Variants in LMX1A observed in about 807,000 individuals in gnomAD.
LMX1A encodes the protein LIM homeobox transcription factor 1-alpha.
A neutral mutation model predicts 49.1 loss-of-function variants in LMX1A; 15 were observed. That is an observed-to-expected ratio of 0.31 (90% CI 0.20 to 0.47). The LOEUF (loss-of-function observed/expected upper bound fraction) is 0.47, where lower values mean the gene tolerates loss of function less well. Ranked by LOEUF, LMX1A falls within the 20% of genes least tolerant of loss-of-function variation. The pLI is 1.00. For missense variants in LMX1A, 372 were observed against 475.8 expected, an observed-to-expected ratio of 0.78 and a Z score of 2.03; for synonymous variants, 167 against 185.7, an observed-to-expected ratio of 0.90 and a Z score of 0.82.
intron 4 of LMX1A, among the ~76,000 whole-genome samples, chr1:165,234,409 C>T (rs757993620): frequency 3.9e-5 from 6 of 152,126 alleles, no homozygotes; most frequent in African/African-American, 1.2e-4. Context: ...GGAATGATTG[C>T]GCCAGACTCT....
At chr1:165,283,298 G>A (rs1408216093) in intron 3 of LMX1A, among the ~76,000 whole-genome samples, 3 of 152,200 alleles carry the variant, frequency 2.0e-5, no homozygotes, top group African/African-American at 7.2e-5. Flanking sequence ...TGTAGTAGCA[G>A]GCTACACCAT....
intron 3 of LMX1A, among the ~76,000 whole-genome samples, chr1:165,313,672 G>A (rs1655140842): frequency 6.6e-6 from 1 of 151,922 alleles, no homozygotes; most frequent in South Asian, 2.1e-4. Flanking sequence ...GAAGGAGCTG[G>A]GGGAATAAAT....
intron 4 of LMX1A, among the ~76,000 whole-genome samples, chr1:165,223,372 C>T (rs903502637): frequency 1.3e-5 from 2 of 152,204 alleles, no homozygotes; most frequent in Middle Eastern, 3.2e-3. Context: ...ATGGAAAATT[C>T]CATCATTCAA....
chr1:165,305,059 C>T (rs1036754987), intron 3 of LMX1A, among the ~76,000 whole-genome samples: 2 of 152,162 alleles, frequency 1.3e-5, no homozygotes, highest in African/African-American at 4.8e-5. Context: ...CTAGAGAGTG[C>T]CCCCTCCCTG....
At chr1:165,284,231 T>C (rs139496045) in intron 3 of LMX1A, among the ~76,000 whole-genome samples, 4 of 152,356 alleles carry the variant, frequency 2.6e-5, no homozygotes, top group Non-Finnish European at 4.4e-5. Flanking sequence ...CAAGTAAGTA[T>C]ATGAAAGCAC....
intron 4 of LMX1A, among the ~76,000 whole-genome samples, chr1:165,228,263 A>G (rs908145007): frequency 6.6e-6 from 1 of 152,192 alleles, no homozygotes; most frequent in Non-Finnish European, 1.5e-5. Context: ...GCACCAGCTC[A>G]TACCTGACAG....
At chr1:165,252,744 T>C (rs1330554836) in intron 3 of LMX1A, among the ~76,000 whole-genome samples, 1 of 152,166 alleles carries the variant, frequency 6.6e-6, no homozygotes, top group African/African-American at 2.4e-5. Context: ...TTTATAAAGC[T>C]AGATATGAGC....
chr1:165,246,594 A>T (rs1374949017), intron 4 of LMX1A, among the ~76,000 whole-genome samples: 1 of 152,226 alleles, frequency 6.6e-6, no homozygotes, highest in African/African-American at 2.4e-5. Context: ...ACTTCCCTGT[A>T]CCTTTCTATC....
intron 3 of LMX1A, among the ~76,000 whole-genome samples, chr1:165,320,940 A>T (rs1468737827): frequency 2.0e-5 from 3 of 152,240 alleles, no homozygotes; most frequent in Non-Finnish European, 4.4e-5. Context: ...ACTTCTACAT[A>T]AATGTTTATA....
intron 3 of LMX1A, among the ~76,000 whole-genome samples, chr1:165,280,517 A>G (rs2101705255): frequency 6.6e-6 from 1 of 152,354 alleles, no homozygotes; most frequent in South Asian, 2.1e-4. Flanking sequence ...TCAATGCTGC[A>G]TTAGACTGTT....
At chr1:165,342,771 T>C (rs1172262306) in intron 3 of LMX1A, among the ~76,000 whole-genome samples, 1 of 152,178 alleles carries the variant, frequency 6.6e-6, no homozygotes, top group Admixed American at 6.5e-5. Flanking sequence ...AGGTGGGGAC[T>C]TGTTTTCCAA....
At chr1:165,319,402 A>G (rs989449112) in intron 3 of LMX1A, among the ~76,000 whole-genome samples, 3 of 152,192 alleles carry the variant, frequency 2.0e-5, no homozygotes, top group African/African-American at 7.2e-5. Flanking sequence ...TGCTAGTAAC[A>G]AGCAAAATTT....
intron 3 of LMX1A, among the ~76,000 whole-genome samples, chr1:165,310,486 G>A (rs1341497063): frequency 6.6e-6 from 1 of 152,206 alleles, no homozygotes; most frequent in Non-Finnish European, 1.5e-5. Flanking sequence ...AGATAGAACA[G>A]TAAGTAAAAG....
intron 3 of LMX1A, among the ~76,000 whole-genome samples, chr1:165,270,988 T>C (rs1444061714): frequency 2.0e-5 from 3 of 152,272 alleles, no homozygotes; most frequent in Admixed American, 1.3e-4. Flanking sequence ...AGCCAGCCAT[T>C]TCCCTCCCAA....
At chr1:165,261,051 T>C (rs996940277) in intron 3 of LMX1A, among the ~76,000 whole-genome samples, 2 of 152,176 alleles carry the variant, frequency 1.3e-5, no homozygotes, top group African/African-American at 4.8e-5. Flanking sequence ...TGGCACATTA[T>C]ACACACTCCA....
rs531989161 is a variant in LMX1A, at chr1:165,258,147, C to T, written c.264-8507G>A. 7.9e-5 allele frequency among the ~76,000 whole-genome samples: 12 copies of T among 152,330 alleles called. No homozygotes were observed. In the South Asian group the frequency reaches 2.3e-3, roughly 29 times the overall value. On this transcript the variant is annotated intron_variant, in intron 3 of 8. Transcript: ENST00000342310. ...CAGCATAGCAGCATTCATTCAGTGC[C>T]ATGTTGACTTGGTAACTGAGGTCAT...
intron 4 of LMX1A, among the ~76,000 whole-genome samples, chr1:165,224,313 T>C (rs1651959526): frequency 6.6e-6 from 1 of 152,184 alleles, no homozygotes; most frequent in Non-Finnish European, 1.5e-5. Context: ...AACTCTTTTC[T>C]TTATAGATTT....
chr1:165,291,439 C>T (rs772908384), intron 3 of LMX1A, among the ~76,000 whole-genome samples: 4 of 152,096 alleles, frequency 2.6e-5, no homozygotes, highest in Non-Finnish European at 4.4e-5. Context: ...TGAATTTGGG[C>T]CCATCATTTT....
At chr1:165,332,276 G>A (rs1176244321) in intron 3 of LMX1A, among the ~76,000 whole-genome samples, 2 of 151,996 alleles carry the variant, frequency 1.3e-5, no homozygotes, top group Non-Finnish European at 2.9e-5. Flanking sequence ...GGTAGACCTG[G>A]CTCTGACTGT....
Sources: gnomAD v4.1 joint callset for allele counts (sites outside exome capture counted in the v4.1 genomes callset) on GRCh38, gnomAD v4.1.1 for gene constraint, MANE v1.5 for transcripts, NCBI Gene and HGNC (gene_info 2026-07-23, HGNC 2026-07-21) for gene names.